Variants in GARRE1 observed in about 807,000 individuals in gnomAD.
The protein encoded by GARRE1 is granule associated Rac and RHOG effector 1.
In GARRE1, 49 loss-of-function variants were observed where a neutral mutation model predicts 103.2. That is an observed-to-expected ratio of 0.47 (90% CI 0.38 to 0.60). GARRE1 has a LOEUF of 0.60. Among genes scored for constraint, GARRE1 ranks in the 20% least tolerant of loss-of-function variants. GARRE1 has a pLI of 0.00. For synonymous variants in GARRE1, 505 were observed against 532.8 expected (o/e 0.95, Z 0.72); for missense variants, 1,199 against 1,370.5 (o/e 0.87, Z 1.98).
chr19:34,280,938 T>G (rs545130143), intron 1 of GARRE1, among the ~76,000 whole-genome samples: 1 of 152,270 alleles, frequency 6.6e-6, no homozygotes, highest in South Asian at 2.1e-4. Context: ...GTAGGTTTTT[T>G]TTTTTTTTTA....
intron 2 of GARRE1, among the ~76,000 whole-genome samples, chr19:34,305,633 C>G (rs1424908179): frequency 1.3e-5 from 2 of 152,178 alleles, no homozygotes; most frequent in African/African-American, 4.8e-5. Flanking sequence ...CGCCTGTTGC[C>G]CAGGGCAGGA....
At position 34,300,425 on chromosome 19, in the gene GARRE1, A is replaced by T; in HGVS notation, c.-49A>T. 2 of 1,507,848 alleles carry T rather than the reference A, an allele frequency of 1.3e-6. No individual in the cohort carries two copies. The highest frequency in any genetic ancestry group is 1.8e-6 in the Non-Finnish European group (2 of 1,127,316). 93.4% of individuals were successfully genotyped at this position (1,507,848 alleles called of 1,614,324 possible). A position where few individuals can be genotyped will look rare whatever the true frequency, so the allele number is the denominator to read the frequency against. ...CTAGCTACAGTTTTGAGAAAGAAGA[A>T]TCAGAACCCTGACCCACTTACGGTT... On this transcript the variant is annotated 5_prime_UTR_variant, in exon 2 of 14. Transcript: ENST00000299505.
chr19:34,258,768 C>T (rs894491919), intron 1 of GARRE1, among the ~76,000 whole-genome samples: 1 of 149,824 alleles, frequency 6.7e-6, no homozygotes, highest in Non-Finnish European at 1.5e-5. Flanking sequence ...CCAGCCTGGG[C>T]GACAGAGTAA....
intron 2 of GARRE1, among the ~76,000 whole-genome samples, chr19:34,301,480 C>G (rs2145242273): frequency 7.5e-6 from 1 of 133,624 alleles, no homozygotes; most frequent in South Asian, 2.3e-4. Flanking sequence ...CACTGCTGTA[C>G]TCCAGCCTGG....
chr19:34,282,098 T>C (rs1041892262), intron 1 of GARRE1, among the ~76,000 whole-genome samples: 1 of 152,244 alleles, frequency 6.6e-6, no homozygotes, highest in African/African-American at 2.4e-5. Flanking sequence ...ATATTTCTTA[T>C]TTCCAAGAAT....
intron 1 of GARRE1, among the ~76,000 whole-genome samples, chr19:34,269,739 T>C (rs1427640304): frequency 6.6e-6 from 1 of 152,146 alleles, no homozygotes; most frequent in East Asian, 1.9e-4. Flanking sequence ...TGTTTTGTTT[T>C]AGTAGCTACC....
chr19:34,347,308 T>C (rs1599783709), intron 10 of GARRE1, among the ~76,000 whole-genome samples: 1 of 152,082 alleles, frequency 6.6e-6, no homozygotes, highest in East Asian at 1.9e-4. Flanking sequence ...GTCAGACTGG[T>C]CTTGAACTCT....
intron 2 of GARRE1, among the ~76,000 whole-genome samples, chr19:34,315,227 G>T (rs1297655236): frequency 6.6e-6 from 1 of 152,166 alleles, no homozygotes; most frequent in Admixed American, 6.5e-5. Context: ...TATTTGTATT[G>T]ATGTGAAAAT....
chr19:34,319,826 C>G (rs982210376), intron 2 of GARRE1, 81 bp from the exon 3 acceptor site: 47 of 1,153,876 alleles, frequency 4.1e-5, no homozygotes, highest in Non-Finnish European at 6.1e-5. Flanking sequence ...TGCTTCTATT[C>G]AAGTTGGTCA....
intron 1 of GARRE1, among the ~76,000 whole-genome samples, chr19:34,264,770 A>G (rs2073741591): frequency 6.6e-6 from 1 of 152,188 alleles, no homozygotes; most frequent in African/African-American, 2.4e-5. Flanking sequence ...AAATGGTGAC[A>G]TCTTTGACTC....
At chr19:34,309,606 C>G (rs574441348) in intron 2 of GARRE1, among the ~76,000 whole-genome samples, 1 of 152,212 alleles carries the variant, frequency 6.6e-6, no homozygotes, top group East Asian at 1.9e-4. Context: ...TCCCACAACA[C>G]GGGGATTATA....
intron 4 of GARRE1, 92 bp downstream of exon 4, chr19:34,327,653 A>G: frequency 1.3e-6 from 2 of 1,495,350 alleles, no homozygotes; most frequent in South Asian, 1.1e-5. Context: ...AGAAAGGGTT[A>G]TAGAGTAGTA....
intron 7 of GARRE1, among the ~76,000 whole-genome samples, chr19:34,330,783 G>A (rs1345668199): frequency 1.5e-5 from 2 of 135,844 alleles, no homozygotes; most frequent in Non-Finnish European, 3.0e-5. Flanking sequence ...TTGCTCTGTC[G>A]CCCAGGCTGC....
At chr19:34,268,225 C>CTATTT (rs1410457565) in intron 1 of GARRE1, among the ~76,000 whole-genome samples, 1 of 152,108 alleles carries the variant, frequency 6.6e-6, no homozygotes, top group Non-Finnish European at 1.5e-5. Context: ...TGGTCCAAGA[C>CTATTT]TATTTTAGTT....
intron 3 of GARRE1, among the ~76,000 whole-genome samples, chr19:34,323,048 TTTGAGG>T: frequency 7.0e-6 from 1 of 143,658 alleles, no homozygotes; most frequent in South Asian, 2.3e-4. Flanking sequence ...TTTTTTTTTT[TTTGAGG>T]TGGAGTCTCG....
chr19:34,289,821 G>A (rs932947471), intron 1 of GARRE1, among the ~76,000 whole-genome samples: 2 of 152,136 alleles, frequency 1.3e-5, no homozygotes, highest in African/African-American at 4.8e-5. Context: ...TTGAAGTTCT[G>A]AGAGTCAAGA....
chr19:34,338,787 C>T (rs182062327), intron 8 of GARRE1, among the ~76,000 whole-genome samples: 37 of 152,266 alleles, frequency 2.4e-4, no homozygotes, highest in Middle Eastern at 3.4e-3. Context: ...GATTTTATTT[C>T]AATCACGATG....
Position 34,340,597 on chromosome 19 carries a change from A to G in GARRE1, c.1487+605A>G, listed in dbSNP as rs142082467. Among the ~76,000 whole-genome samples the G allele has an allele frequency of 2.3e-3, 350 of 152,074 alleles. 2 individuals are homozygous for G. The highest frequency in any genetic ancestry group is 0.02 in the Middle Eastern group (6 of 294). On this transcript the variant is annotated intron_variant, in intron 9 of 13. Transcript: ENST00000299505. ...TGCAATATTGCTCTCCATCCATGCT[A>G]TCCATCCCATCCATCCCCCAGCTCC...
At chr19:34,275,554 CT>C (rs2073812148) in intron 1 of GARRE1, among the ~76,000 whole-genome samples, 2 of 152,288 alleles carry the variant, frequency 1.3e-5, no homozygotes, top group South Asian at 4.1e-4. Flanking sequence ...TGTATCAGTA[CT>C]TTATTCCTTT....
Sources: allele counts gnomAD v4.1 joint callset (sites outside exome capture counted in the v4.1 genomes callset), GRCh38; gene constraint gnomAD v4.1.1; transcripts MANE v1.5; gene names NCBI Gene and HGNC (gene_info 2026-07-23, HGNC 2026-07-21).